Variants in PDE10A observed in about 807,000 individuals in gnomAD.
The protein encoded by PDE10A is cAMP and cAMP-inhibited cGMP 3',5'-cyclic phosphodiesterase 10A.
A neutral mutation model predicts 97.7 loss-of-function variants in PDE10A; 39 were observed. The ratio of observed to expected loss-of-function variants is 0.40; its 90% CI spans 0.31 to 0.52. The LOEUF is 0.52. Among genes scored for constraint, PDE10A ranks in the 20% least tolerant of loss-of-function variants. The probability of loss-of-function intolerance (pLI) is 0.56; values close to 1 mark genes in which losing one functional copy is unlikely to be tolerated. For missense variants in PDE10A, 731 were observed against 1,047.8 expected (o/e 0.70, Z 4.17); for synonymous variants, 371 against 376.8 (o/e 0.98, Z 0.18).
chr6:165,337,309 T>C (rs1016252397), intron 20 of PDE10A, among the ~76,000 whole-genome samples: 8 of 152,178 alleles, frequency 5.3e-5, no homozygotes, highest in Non-Finnish European at 8.8e-5. Context: ...ACGAGACAAA[T>C]AGCTCTCTAG....
chr6:165,914,535 A>G (rs535406096), intron 1 of PDE10A, among the ~76,000 whole-genome samples: 1 of 152,340 alleles, frequency 6.6e-6, no homozygotes, highest in Admixed American at 6.5e-5. Flanking sequence ...CTTGGGGGAA[A>G]CATGCAACAG....
intron 1 of PDE10A, among the ~76,000 whole-genome samples, chr6:165,619,429 A>AGTGGTC (rs1293736871): frequency 5.3e-5 from 1 of 18,824 alleles, no homozygotes; most frequent in Non-Finnish European, 9.6e-5. Flanking sequence ...GTAGTGTAGT[A>AGTGGTC]TAGTGTAGTG....
intron 18 of PDE10A, among the ~76,000 whole-genome samples, chr6:165,374,892 C>T (rs115390313): frequency 6.6e-6 from 1 of 151,502 alleles, no homozygotes; most frequent in Non-Finnish European, 1.5e-5. Flanking sequence ...TTCAAATATT[C>T]TCATTATTTT....
intron 1 of PDE10A, among the ~76,000 whole-genome samples, chr6:165,918,408 C>A (rs1461997731): frequency 6.6e-6 from 1 of 152,108 alleles, no homozygotes; most frequent in Non-Finnish European, 1.5e-5. Flanking sequence ...TACTGTAAAC[C>A]ACCATTTAAT....
rs975793716 is a variant in PDE10A at position 165,875,498 on chromosome 6, C to G, written c.-615+112031G>C. ...CTTCAGAGGGAATTATCTTATCAGC[C>G]CGAAAATGATTTCAATTTTAAATGC... On this transcript the variant is annotated intron_variant, in intron 1 of 19. Coordinates refer to the PDE10A transcript ENST00000366882. Among the ~76,000 whole-genome samples, 37 of 152,120 alleles carry G rather than the reference C, an allele frequency of 2.4e-4. 1 individual carries two copies. The highest frequency in any genetic ancestry group is 2.6e-4 in the Admixed American group (4 of 15,274).
intron 1 of PDE10A, among the ~76,000 whole-genome samples, chr6:165,609,794 C>T (rs1787402354): frequency 1.3e-5 from 2 of 152,328 alleles, no homozygotes; most frequent in South Asian, 2.1e-4. Context: ...AGGAATCCAA[C>T]TTACAAGGGA....
upstream of PDE10A, among the ~76,000 whole-genome samples, chr6:165,667,419 T>C (rs181983208): frequency 6.6e-5 from 10 of 152,330 alleles, no homozygotes; most frequent in East Asian, 1.7e-3. Context: ...TATCACGTTA[T>C]GTTTTAAAGC....
chr6:165,645,188 G>A (rs6906779), intron 1 of PDE10A, among the ~76,000 whole-genome samples: 118 of 152,298 alleles, frequency 7.7e-4, no homozygotes, highest in African/African-American at 2.6e-3. Context: ...GAGCCCACTC[G>A]ATTTCCAAAA....
chr6:165,828,612 A>T (rs1229023034), intron 1 of PDE10A, among the ~76,000 whole-genome samples: 11 of 152,254 alleles, frequency 7.2e-5, no homozygotes, highest in Admixed American at 2.0e-4. Flanking sequence ...GGTAAAATTC[A>T]CAAGGTTGCA....
At chr6:165,804,737 G>A (rs895027759) in intron 1 of PDE10A, among the ~76,000 whole-genome samples, 1 of 152,064 alleles carries the variant, frequency 6.6e-6, no homozygotes, top group Non-Finnish European at 1.5e-5. Context: ...GGGTGTCCGG[G>A]TGAGGGGTGA....
intron 17 of PDE10A, among the ~76,000 whole-genome samples, chr6:165,382,013 T>C (rs924606435): frequency 6.6e-6 from 1 of 152,172 alleles, no homozygotes; most frequent in Admixed American, 6.5e-5. Flanking sequence ...TAATTCAAGC[T>C]AGTTGATTCC....
intron 1 of PDE10A, among the ~76,000 whole-genome samples, chr6:165,608,906 T>A (rs1176491467): frequency 1.3e-5 from 2 of 152,266 alleles, no homozygotes; most frequent in African/African-American, 4.8e-5. Context: ...TGCATAAATG[T>A]CTTCTTTTGA....
chr6:165,567,780 A>AT (rs946013670), intron 1 of PDE10A, among the ~76,000 whole-genome samples: 1 of 152,192 alleles, frequency 6.6e-6, no homozygotes, highest in African/African-American at 2.4e-5. Flanking sequence ...TCTAAAATGT[A>AT]TTAAAACTAG....
intron 1 of PDE10A, among the ~76,000 whole-genome samples, chr6:165,589,315 G>T (rs935890967): frequency 2.0e-5 from 3 of 152,176 alleles, no homozygotes; most frequent in Non-Finnish European, 4.4e-5. Flanking sequence ...ACTCAGCATG[G>T]ATGGCCTCCA....
rs545269954 is a variant in PDE10A, at chr6:165,883,020, G to A, written c.-615+104509C>T. ...GGAGGCGGAGGCGGGCAGATTGCTC[G>A]AGGTCAGGAGTTTGAGACCAGCTTG... On this transcript the variant is annotated intron_variant, in intron 1 of 19. Coordinates refer to the PDE10A transcript ENST00000366882. 3.9e-5 allele frequency among the ~76,000 whole-genome samples: 6 copies of A among 152,286 alleles called. No homozygotes were observed. The East Asian group carries it at 5.8e-4, about 15-fold the overall frequency.
intron 18 of PDE10A, among the ~76,000 whole-genome samples, chr6:165,357,147 A>T (rs1373636147): frequency 6.6e-6 from 1 of 152,180 alleles, no homozygotes; most frequent in Non-Finnish European, 1.5e-5. Flanking sequence ...TAATCATATG[A>T]TGTCTCTTCT....
chr6:165,889,862 ACTCACTC>A (rs2128481952), intron 1 of PDE10A, among the ~76,000 whole-genome samples: 1 of 85,584 alleles, frequency 1.2e-5, no homozygotes, highest in Admixed American at 1.2e-4. Flanking sequence ...CTCCTCCCTC[ACTCACTC>A]CTCACTCCTC....
intron 1 of PDE10A, among the ~76,000 whole-genome samples, chr6:165,722,959 T>C (rs989530495): frequency 5.0e-4 from 76 of 152,128 alleles, no homozygotes; most frequent in African/African-American, 1.8e-3. Flanking sequence ...TCACCCAGAA[T>C]CTTAATTTGA....
At chr6:165,425,213 T>C (rs1789026843) in intron 10 of PDE10A, among the ~76,000 whole-genome samples, 1 of 152,090 alleles carries the variant, frequency 6.6e-6, no homozygotes, top group Admixed American at 6.5e-5. Flanking sequence ...AATCAATACA[T>C]TCAGTCAACA....
Sources: allele counts gnomAD v4.1 joint callset (sites outside exome capture counted in the v4.1 genomes callset), GRCh38; gene constraint gnomAD v4.1.1; transcripts MANE v1.5; gene names NCBI Gene and HGNC (gene_info 2026-07-23, HGNC 2026-07-21).